OGDHL: variants seen among roughly 807,000 people sequenced by gnomAD.
The protein encoded by OGDHL is 2-oxoglutarate dehydrogenase-like, mitochondrial.
In OGDHL, 79 loss-of-function variants were observed where a neutral mutation model predicts 109.6. The observed-to-expected ratio is 0.72, with a 90% confidence interval of 0.60 to 0.87. The LOEUF (loss-of-function observed/expected upper bound fraction) is 0.87. Among genes scored for constraint, OGDHL ranks in the 40% least tolerant of loss-of-function variants. OGDHL has a pLI of 0.00. For missense variants in OGDHL, 1,275 were observed against 1,362.2 expected, an observed-to-expected ratio of 0.94 and a Z score of 1.01; for synonymous variants, 528 against 537.2, an observed-to-expected ratio of 0.98 and a Z score of 0.24.
chr10:49,750,994 G>A lies in OGDHL; in HGVS notation c.750-9C>T. ...CCAGGAAGTCTTCAAACCTGCTTGG[G>A]GAGAGGATGGGAAGAGGAAAGGGAA... On this transcript the variant is annotated splice_polypyrimidine_tract_variant and intron_variant, in intron 6 of 22. Coordinates refer to ENST00000374103, the MANE Select transcript of OGDHL (RefSeq NM_018245.3). The A allele has an allele frequency of 1.9e-6, 3 of 1,588,586 alleles. No individual in the cohort carries two copies. In the South Asian group the frequency reaches 3.4e-5, roughly 18 times the overall value.
At chr10:49,738,620 AC>A (rs1841400707) in intron 17 of OGDHL, 6 of 306,214 alleles carry the variant, frequency 2.0e-5, no homozygotes, top group African/African-American at 1.3e-4. Flanking sequence ...CTTATCGCTA[AC>A]CCCCAAAGTA....
chr10:49,758,647 GGCTCTACCAA>G, intron 1 of OGDHL, 54 bp from the exon 2 acceptor site: 3 of 1,564,974 alleles, frequency 1.9e-6, no homozygotes, highest in Non-Finnish European at 2.6e-6. Flanking sequence ...GACAGGAAGA[GGCTCTACCAA>G]GCCACTGTCC....
At chr10:49,746,255 T>C (rs1554820037) in intron 10 of OGDHL, among the ~76,000 whole-genome samples, 1 of 152,202 alleles carries the variant, frequency 6.6e-6, no homozygotes, top group Non-Finnish European at 1.5e-5. Flanking sequence ...AATCCAGTCC[T>C]AACAACGGCT....
Position 49,735,022 on chromosome 10 carries a change from T to G in OGDHL, c.*206A>C, listed in dbSNP as rs13736. The G allele has an allele frequency of 2.0e-3, 1,054 of 535,404 alleles. 40 individuals are homozygous for G. The East Asian group carries it at 0.036, about 18-fold the overall frequency. 33.2% of individuals were successfully genotyped at this position (535,404 alleles called of 1,614,324 possible). The stretch of plus-strand genomic sequence containing the variant: ...ATGCTCCAGCACAGTAGCCTGCCTA[T>G]AGGACTCCTCTGGCTCCCTCAGTCC... On this transcript the variant is annotated 3_prime_UTR_variant, in exon 23 of 23. Transcript: ENST00000374103.
At chr10:49,758,129 T>C (rs77983025) in intron 2 of OGDHL, among the ~76,000 whole-genome samples, 33 of 152,298 alleles carry the variant, frequency 2.2e-4, no homozygotes, top group African/African-American at 7.7e-4. Flanking sequence ...GGAGGCAGCA[T>C]AGCACGACAA....
In OGDHL at chr10:49,745,690, C is replaced by T. The variant is rs1371248158; in HGVS notation, c.1476+108G>A. On this transcript the variant is annotated intron_variant, in intron 11 of 22. Transcript: ENST00000374103. ...CTCTTGGTGGCATAAATCTCTCATC[C>T]AAGAAGCACTCCCAGCCCTGAGTGC... The T allele has an allele frequency of 2.1e-6, 3 of 1,395,762 alleles. No homozygotes were observed. In the African/African-American group the frequency reaches 4.3e-5, roughly 20 times the overall value. 86.5% of individuals were successfully genotyped at this position (1,395,762 alleles called of 1,614,324 possible).
rs543078513 is a variant in OGDHL, at chr10:49,741,475, C to T, written c.2013-638G>A. ...GGTCAAGTCCTGGAAGCCACACCAC[C>T]CTGGCTTGCTAACCAGGAGCGGACT... On this transcript the variant is annotated intron_variant, in intron 15 of 22. Transcript: ENST00000374103. 2.0e-5 allele frequency among the ~76,000 whole-genome samples: 3 copies of T among 152,174 alleles called. No individual in the cohort carries two copies. In the East Asian group the frequency reaches 5.8e-4, roughly 29 times the overall value.
chr10:49,757,202 T>A (rs1333339073), intron 2 of OGDHL, among the ~76,000 whole-genome samples: 1 of 152,224 alleles, frequency 6.6e-6, no homozygotes, highest in Non-Finnish European at 1.5e-5. Context: ...ATCTGGAAGA[T>A]TACACAGTCT....
At chr10:49,741,674 A>G (rs1841667502) in intron 15 of OGDHL, among the ~76,000 whole-genome samples, 1 of 150,982 alleles carries the variant, frequency 6.6e-6, no homozygotes, top group South Asian at 2.1e-4. Flanking sequence ...CATGCCACAC[A>G]TACCACACAC....
chr10:49,742,111 TAC>T (rs1403071405), intron 15 of OGDHL, among the ~76,000 whole-genome samples: 3 of 101,752 alleles, frequency 2.9e-5, no homozygotes, highest in African/African-American at 1.2e-4. Flanking sequence ...TCACACACAT[TAC>T]ACACATACAC....
chr10:49,743,731 G>GA, intron 14 of OGDHL: 1 of 332,014 alleles, frequency 3.0e-6, no homozygotes, highest in Non-Finnish European at 5.5e-6. Context: ...AAGGCATTTG[G>GA]AAAATCCAAG....
intron 16 of OGDHL, among the ~76,000 whole-genome samples, 155 bp from the exon 17 acceptor site, chr10:49,739,994 C>G (rs1388437147): frequency 6.6e-6 from 1 of 152,162 alleles, no homozygotes; most frequent in African/African-American, 2.4e-5. Flanking sequence ...TCAAAGGGTA[C>G]AATGTACCAT....
At chr10:49,745,185 T>C (rs1842084337) in intron 12 of OGDHL, among the ~76,000 whole-genome samples, 159 bp downstream of exon 12, 1 of 152,254 alleles carries the variant, frequency 6.6e-6, no homozygotes, top group Non-Finnish European at 1.5e-5. Flanking sequence ...CCTTAGTTCT[T>C]GGTCCCCTTT....
chr10:49,749,370 A>T (rs192493960), intron 8 of OGDHL, among the ~76,000 whole-genome samples: 2 of 152,148 alleles, frequency 1.3e-5, no homozygotes, highest in African/African-American at 4.8e-5. Context: ...ACAAATGAGC[A>T]AGGGAGTCAT....
Position 49,747,224 on chromosome 10 carries a change from G to A in OGDHL, c.988-16C>T, listed in dbSNP as rs1434137399. 6.2e-7 allele frequency: 1 copy of A among 1,610,712 alleles called. No homozygotes were observed. The stretch of plus-strand genomic sequence containing the variant: ...CCCCGGAGCCCTGAAGGTGGAGATG[G>A]GAACATGATGGATCCTCCCCTCCCA... On this transcript the variant is annotated splice_polypyrimidine_tract_variant and intron_variant, in intron 8 of 22. Coordinates refer to ENST00000374103, the MANE Select transcript of OGDHL (RefSeq NM_018245.3).
chr10:49,737,533 G>A (rs936715505), intron 20 of OGDHL, among the ~76,000 whole-genome samples: 2 of 152,134 alleles, frequency 1.3e-5, no homozygotes, highest in Non-Finnish European at 1.5e-5. Context: ...GCCAGGCCTC[G>A]ACCAGCCCTG....
At chr10:49,749,612 T>C (rs1842444806) in intron 8 of OGDHL, 114 bp downstream of exon 8, 7 of 871,456 alleles carry the variant, frequency 8.0e-6, no homozygotes, top group Non-Finnish European at 1.2e-5. Context: ...GCTTCTCCAA[T>C]GCATCCATCT....
chr10:49,760,717 G>C (rs377542913), intron 1 of OGDHL, among the ~76,000 whole-genome samples: 1 of 152,240 alleles, frequency 6.6e-6, no homozygotes, highest in East Asian at 1.9e-4. Flanking sequence ...TATAAACAGA[G>C]AAACTGAGGT....
chr10:49,748,655 C>T (rs376417973), intron 8 of OGDHL, among the ~76,000 whole-genome samples: 1 of 151,464 alleles, frequency 6.6e-6, no homozygotes. Context: ...TATGGAAGAG[C>T]AAAGTGAGGC....
Sources: allele counts gnomAD v4.1 joint callset (sites outside exome capture counted in the v4.1 genomes callset), GRCh38; gene constraint gnomAD v4.1.1; transcripts MANE v1.5; gene names NCBI Gene and HGNC (gene_info 2026-07-23, HGNC 2026-07-21).